HPN: variants seen among roughly 807,000 people sequenced by gnomAD.
HPN encodes serine protease hepsin.
HPN carries 13 observed loss-of-function variants against 55.9 expected under a neutral mutation model. The ratio of observed to expected loss-of-function variants is 0.23; its 90% CI spans 0.15 to 0.37. The LOEUF (loss-of-function observed/expected upper bound fraction) is 0.37, where lower values mean the gene tolerates loss of function less well. HPN is among the 10% of genes least tolerant of loss of function. The pLI is 1.00. For missense variants in HPN, 451 were observed against 575.8 expected, an observed-to-expected ratio of 0.78 and a Z score of 2.22; for synonymous variants, 225 against 240.3, an observed-to-expected ratio of 0.94 and a Z score of 0.59.
At chr19:35,050,637 C>A (rs1310681787) in intron 4 of HPN, 24 of 741,892 alleles carry the variant, frequency 3.2e-5, no homozygotes, top group Non-Finnish European at 4.5e-5. Context: ...CTGCCATTCC[C>A]TGATGCAGGA....
intron 2 of HPN, among the ~76,000 whole-genome samples, chr19:35,048,971 A>G (rs1404439026): frequency 6.6e-6 from 1 of 152,202 alleles, no homozygotes; most frequent in Non-Finnish European, 1.5e-5. Context: ...CAAAGACAGA[A>G]ATACAAAAGC....
intron 2 of HPN, among the ~76,000 whole-genome samples, chr19:35,044,757 AC>A (rs760035803): frequency 2.6e-5 from 4 of 152,144 alleles, no homozygotes; most frequent in African/African-American, 4.8e-5. Flanking sequence ...TCTGGGGGGT[AC>A]TAGGGAGTCA....
chr19:35,064,058 C>T (rs554967425), intron 9 of HPN, among the ~76,000 whole-genome samples: 1 of 152,302 alleles, frequency 6.6e-6, no homozygotes, highest in South Asian at 2.1e-4. Flanking sequence ...AACTCAATGA[C>T]TCACCAATTT....
At chr19:35,060,072 T>A in intron 6 of HPN, 57 bp from the exon 7 acceptor site, 1 of 1,613,882 alleles carries the variant, frequency 6.2e-7, no homozygotes, top group Non-Finnish European at 8.5e-7. Flanking sequence ...TCCTTCCACC[T>A]GTCTTAACTG....
At chr19:35,043,246 G>A (rs766353050) in intron 2 of HPN, among the ~76,000 whole-genome samples, 4 of 152,024 alleles carry the variant, frequency 2.6e-5, no homozygotes, top group Non-Finnish European at 5.9e-5. Flanking sequence ...GGATGAGAGA[G>A]AGAGACTGCG....
In HPN at chr19:35,059,880, G is replaced by C; in HGVS notation, c.297G>C (p.Leu99=). 2 of 1,502,542 alleles carry C rather than the reference G, an allele frequency of 1.3e-6. No individual in the cohort carries two copies. Among genetic ancestry groups the C allele is most frequent in the East Asian group, 4.7e-5 (2 of 42,548 alleles). 93.1% of individuals were successfully genotyped at this position (1,502,542 alleles called of 1,614,324 possible). Residue 99 remains leucine (L), a synonymous_variant, in exon 6 of 13, where the codon CTG becomes CTC. Transcript: ENST00000672452. Reference sequence around the variant, plus strand: ...TAACCCCTGCCCCGCCCAGGGCACTGACCCACTCCGAGCTGGACGTGCGAA... The same window carrying C: ...TAACCCCTGCCCCGCCCAGGGCACTCACCCACTCCGAGCTGGACGTGCGAA... ...SCEEMGFLRA[L]THSELDVRTA...
chr19:35,059,341 G>C (rs1415889399), intron 4 of HPN: 1 of 448,262 alleles, frequency 2.2e-6, no homozygotes, highest in Non-Finnish European at 4.2e-6. Flanking sequence ...AATTAGTCAG[G>C]TGTGGTGGTG....
At chr19:35,062,285 G>A (rs1288115955) in intron 9 of HPN, among the ~76,000 whole-genome samples, 3 of 152,156 alleles carry the variant, frequency 2.0e-5, no homozygotes, top group Non-Finnish European at 4.4e-5. Context: ...AGTCGATCAT[G>A]ATCATGGTTG....
At chr19:35,041,654 T>C, upstream of HPN, 4 of 1,157,038 alleles carry the variant, frequency 3.5e-6, no homozygotes, top group South Asian at 1.6e-5. Flanking sequence ...CCTCCAGTGC[T>C]GCCAATCGAA....
chr19:35,050,296 G>T, intron 4 of HPN: 1 of 378,758 alleles, frequency 2.6e-6, no homozygotes, highest in East Asian at 7.6e-5. Flanking sequence ...TTAATTTTTT[G>T]TATTTTTAGT....
At chr19:35,043,900 A>G (rs898145662) in intron 2 of HPN, among the ~76,000 whole-genome samples, 35 of 152,174 alleles carry the variant, frequency 2.3e-4, no homozygotes, top group African/African-American at 8.0e-4. Context: ...AGAAACAGAC[A>G]CAAAGTGGGC....
chr19:35,061,502 G>A (rs2064532220), intron 9 of HPN, among the ~76,000 whole-genome samples: 1 of 152,190 alleles, frequency 6.6e-6, no homozygotes, highest in South Asian at 2.1e-4. Context: ...GATGAGGCAG[G>A]AGAATCTCTT....
intron 2 of HPN, among the ~76,000 whole-genome samples, chr19:35,047,851 G>T (rs1032662473): frequency 6.6e-6 from 1 of 151,830 alleles, no homozygotes; most frequent in East Asian, 1.9e-4. Context: ...ACAAAAATTA[G>T]CCATGTGTGG....
In HPN at chr19:35,066,380, G is replaced by C; in HGVS notation, c.*93G>C. ...CTAGGATGGGACGTTTTTCTTCTTG[G>C]GCCCGGTCCACAGGTCCAAGGACAC... On this transcript the variant is annotated 3_prime_UTR_variant, in exon 13 of 13. Transcript: ENST00000672452. 1 of 1,508,034 alleles carries C rather than the reference G, an allele frequency of 6.6e-7. No individual in the cohort carries two copies. The highest frequency in any genetic ancestry group is 8.9e-7 in the Non-Finnish European group (1 of 1,119,972). The allele number at this position is 1,508,034 out of a possible 1,614,324, so 93.4% of individuals were successfully genotyped here.
chr19:35,044,397 G>A (rs112027165), intron 2 of HPN, among the ~76,000 whole-genome samples: 22 of 152,272 alleles, frequency 1.4e-4, no homozygotes, highest in African/African-American at 5.1e-4. Context: ...TGGTGTGCAC[G>A]TAGCCAATTG....
At chr19:35,060,939 C>A in intron 9 of HPN, 122 bp downstream of exon 9, 2 of 834,942 alleles carry the variant, frequency 2.4e-6, no homozygotes, top group Non-Finnish European at 3.6e-6. Context: ...GGGGAATGAT[C>A]TCGAGGGAGC....
intron 4 of HPN, chr19:35,059,175 G>A (rs558834456): frequency 7.4e-6 from 2 of 270,598 alleles, no homozygotes; most frequent in Non-Finnish European, 1.4e-5. Flanking sequence ...GAGTCTGGCA[G>A]AGTGCCATGG....
intron 12 of HPN, 42 bp downstream of exon 12, chr19:35,066,074 G>T: frequency 1.9e-6 from 3 of 1,609,918 alleles, no homozygotes; most frequent in South Asian, 1.1e-5. Context: ...GGGGACGTTT[G>T]GGTGTCTAAT....
chr19:35,054,311 G>A lies in HPN; in HGVS notation c.160+4795G>A, dbSNP rs540672020. Among the ~76,000 whole-genome samples the A allele has an allele frequency of 5.1e-3, 774 of 152,078 alleles. 3 individuals are homozygous for A. Among genetic ancestry groups the A allele is most frequent in the Non-Finnish European group, 8.3e-3 (563 of 67,982 alleles). ...CATGTGCCTGTAATCCCAGCTACTC[G>A]GGAGGCTGAGGCAGGAGGATCGCTT... is the stretch of plus-strand genomic sequence containing the variant. On this transcript the variant is annotated intron_variant, in intron 4 of 12. Transcript: ENST00000672452.
Sources: gnomAD v4.1 joint callset for allele counts (sites outside exome capture counted in the v4.1 genomes callset) on GRCh38, gnomAD v4.1.1 for gene constraint, MANE v1.5 for transcripts, NCBI Gene and HGNC (gene_info 2026-07-23, HGNC 2026-07-21) for gene names.